Variants in PLA2G7 observed in about 807,000 individuals in gnomAD.
PLA2G7 encodes phospholipase A2 group VII.
In PLA2G7, 63 loss-of-function variants were observed where a neutral mutation model predicts 49.6. The observed-to-expected ratio is 1.27, with a 90% CI of 1.04 to 1.57. The LOEUF is 1.57. PLA2G7 is among the 40% of genes most tolerant of loss of function. PLA2G7 has a pLI of 0.00. For synonymous variants in PLA2G7, 193 were observed against 169.9 expected (o/e 1.14, Z -1.06); for missense variants, 596 against 521.2 (o/e 1.14, Z -1.40).
intron 2 of PLA2G7, among the ~76,000 whole-genome samples, chr6:46,717,613 C>T (rs1765255457): frequency 6.6e-6 from 1 of 152,128 alleles, no homozygotes; most frequent in South Asian, 2.1e-4. Flanking sequence ...TCATCTCCTG[C>T]ACCACAAGCC....
At chr6:46,733,470 A>G (rs1765796156) in intron 1 of PLA2G7, among the ~76,000 whole-genome samples, 1 of 152,216 alleles carries the variant, frequency 6.6e-6, no homozygotes, top group African/African-American at 2.4e-5. Flanking sequence ...GCAGTCACAG[A>G]CTATGGTGCC....
intron 9 of PLA2G7, among the ~76,000 whole-genome samples, chr6:46,709,098 G>A (rs2150693376): frequency 6.6e-6 from 1 of 152,192 alleles, no homozygotes; most frequent in African/African-American, 2.4e-5. Flanking sequence ...GGGTAAACAA[G>A]AATAATGAGG....
At chr6:46,727,727 G>T (rs1765615397) in intron 1 of PLA2G7, among the ~76,000 whole-genome samples, 1 of 152,210 alleles carries the variant, frequency 6.6e-6, no homozygotes, top group Non-Finnish European at 1.5e-5. Flanking sequence ...GAAGAGATCT[G>T]AATGATGTGA....
chr6:46,710,693 T>TA (rs1387727119), intron 7 of PLA2G7, 35 bp from the exon 8 acceptor site: 5 of 1,474,252 alleles, frequency 3.4e-6, no homozygotes, highest in Non-Finnish European at 4.7e-6. Flanking sequence ...AATGACAAAG[T>TA]AAAAAGTTAT....
chr6:46,706,758 G>T (rs1159875444), intron 10 of PLA2G7, among the ~76,000 whole-genome samples: 1 of 152,208 alleles, frequency 6.6e-6, no homozygotes, highest in East Asian at 1.9e-4. Context: ...AGGGTTGAGG[G>T]AAGGTTAGGT....
Position 46,728,017 on chromosome 6 carries a change from A to G in PLA2G7, c.-34-5092T>C, listed in dbSNP as rs142233102. On this transcript the variant is annotated intron_variant, in intron 1 of 11. Coordinates refer to ENST00000274793, the MANE Select transcript of PLA2G7 (RefSeq NM_005084.4). Reference sequence around the variant, plus strand: ...TAGAAAATTTTTACAGCAGCAATAGAAAACTAATATGGAGCATATAAAGTA... The same window carrying G: ...TAGAAAATTTTTACAGCAGCAATAGGAAACTAATATGGAGCATATAAAGTA... Among the ~76,000 whole-genome samples the G allele has an allele frequency of 2.6e-5, 4 of 152,368 alleles. No homozygotes were observed. The East Asian group carries it at 7.7e-4, about 29-fold the overall frequency.
intron 2 of PLA2G7, among the ~76,000 whole-genome samples, chr6:46,719,113 C>G (rs1369086102): frequency 6.6e-6 from 1 of 152,238 alleles, no homozygotes; most frequent in Non-Finnish European, 1.5e-5. Context: ...TTCAGACTCT[C>G]ACTTTTCTTG....
intron 1 of PLA2G7, among the ~76,000 whole-genome samples, chr6:46,730,193 T>A (rs1398089656): frequency 6.6e-6 from 1 of 152,136 alleles, no homozygotes; most frequent in Non-Finnish European, 1.5e-5. Flanking sequence ...TGAGGAGCTG[T>A]TGAAGGAATG....
intron 6 of PLA2G7, 89 bp downstream of exon 6, chr6:46,712,180 A>AG: frequency 1.1e-6 from 1 of 882,104 alleles, no homozygotes; most frequent in Non-Finnish European, 1.9e-6. Context: ...AACATTTTAA[A>AG]TAAACTTTTA....
chr6:46,704,204 T>A lies in PLA2G7; in HGVS notation c.*356A>T. 1 of 250,814 alleles carries A rather than the reference T, an allele frequency of 4.0e-6. No individual in the cohort carries two copies. Among genetic ancestry groups the A allele is most frequent in the Non-Finnish European group, 7.8e-6 (1 of 127,662 alleles). The allele number at this position is 250,814 out of a possible 1,614,324, so 15.5% of individuals were successfully genotyped here. On this transcript the variant is annotated 3_prime_UTR_variant, in exon 12 of 12. Coordinates refer to ENST00000274793, the MANE Select transcript of PLA2G7 (RefSeq NM_005084.4). ...AGTCTTGTATCATTGCAACAGGTTT[T>A]CACTGGGATTTTGCCTGTTTTAATC...
At chr6:46,724,311 TC>T (rs1180341787) in intron 1 of PLA2G7, among the ~76,000 whole-genome samples, 1 of 152,188 alleles carries the variant, frequency 6.6e-6, no homozygotes, top group East Asian at 1.9e-4. Flanking sequence ...TGATGGTTTT[TC>T]CCCCTGCTGT....
chr6:46,733,408 T>C (rs896774219), intron 1 of PLA2G7, among the ~76,000 whole-genome samples: 1 of 151,412 alleles, frequency 6.6e-6, no homozygotes, highest in African/African-American at 2.4e-5. Context: ...TGAACCAGAT[T>C]CACAACACTC....
At chr6:46,704,733 T>A in intron 11 of PLA2G7, 37 bp from the exon 12 acceptor site, 1 of 1,343,074 alleles carries the variant, frequency 7.4e-7, no homozygotes, top group African/African-American at 1.4e-5. Context: ...ATATTAAACT[T>A]TTGAGAGCAT....
At chr6:46,710,127 T>A (rs1219787175) in intron 8 of PLA2G7, among the ~76,000 whole-genome samples, 1 of 152,180 alleles carries the variant, frequency 6.6e-6, no homozygotes, top group African/African-American at 2.4e-5. Context: ...CCCTAATCCC[T>A]GCACTTCACA....
Position 46,717,043 on chromosome 6 carries a change from T to A in PLA2G7, c.163A>T (p.Lys55Ter), listed in dbSNP as rs747770300. The A allele has an allele frequency of 4.3e-6, 7 of 1,613,874 alleles. No individual in the cohort carries two copies. Among genetic ancestry groups the A allele is most frequent in the Non-Finnish European group, 5.9e-6 (7 of 1,179,730 alleles). Residue 55 changes from lysine to a stop codon, truncating the protein, a stop_gained, in exon 3 of 12, where the codon AAA becomes TAA. Coordinates refer to ENST00000274793, the MANE Select transcript of PLA2G7 (RefSeq NM_005084.4). LOFTEE classifies it high-confidence loss of function. ...LMAAASFGQT[K>*]IPRGNGPYSV... ...TAAGGCCCATTTCCCCGGGGGATTTTAGTTTGGCCAAAGCTTGCAGCAGCC... is the reference window on the plus strand; with the variant it reads ...TAAGGCCCATTTCCCCGGGGGATTTAAGTTTGGCCAAAGCTTGCAGCAGCC...
In PLA2G7 at chr6:46,716,547, A is replaced by C. The variant is rs1562073525; in HGVS notation, c.232-19T>G. 1 of 1,612,492 alleles carries C rather than the reference A, an allele frequency of 6.2e-7. No homozygotes were observed. The highest frequency in any genetic ancestry group is 8.5e-7 in the Non-Finnish European group (1 of 1,178,780). On this transcript the variant is annotated intron_variant, in intron 3 of 11. Transcript: ENST00000274793. ...AGGTGCCCTGTTAAGAAAGAAATTA[A>C]TGCACTTTTAGAGAAGTTGTGTCTC...
rs983443546 is a variant in PLA2G7 at position 46,712,154 on chromosome 6, A to G, written c.539+115T>C. 4 of 733,062 alleles carry G rather than the reference A, an allele frequency of 5.5e-6. No homozygotes were observed. In the African/African-American group the frequency reaches 7.0e-5, roughly 13 times the overall value. The allele number at this position is 733,062 out of a possible 1,614,324, so 45.4% of individuals were successfully genotyped here. A position where few individuals can be genotyped will look rare whatever the true frequency, so the allele number is the denominator to read the frequency against. On this transcript the variant is annotated intron_variant, in intron 6 of 11. Coordinates refer to ENST00000274793, the MANE Select transcript of PLA2G7 (RefSeq NM_005084.4). ...CCTTTTTTGCTCATGATGTTACCATACTTGAAAGTTCCATCAACATTTTAA... is the reference window on the plus strand; with the variant it reads ...CCTTTTTTGCTCATGATGTTACCATGCTTGAAAGTTCCATCAACATTTTAA...
intron 1 of PLA2G7, among the ~76,000 whole-genome samples, chr6:46,726,621 C>A (rs1446836429): frequency 1.3e-5 from 2 of 152,038 alleles, no homozygotes; most frequent in Admixed American, 1.3e-4. Flanking sequence ...TTACCATAAC[C>A]CCAATCACTG....
At chr6:46,723,083 C>A (rs1765453094) in intron 1 of PLA2G7, among the ~76,000 whole-genome samples, 158 bp from the exon 2 acceptor site, 1 of 152,196 alleles carries the variant, frequency 6.6e-6, no homozygotes, top group South Asian at 2.1e-4. Flanking sequence ...ATGGTAAAAT[C>A]CTTGGTAATG....
Sources: gnomAD v4.1 joint callset for allele counts (sites outside exome capture counted in the v4.1 genomes callset) on GRCh38, gnomAD v4.1.1 for gene constraint, MANE v1.5 for transcripts, NCBI Gene and HGNC (gene_info 2026-07-23, HGNC 2026-07-21) for gene names.